SCRN1: variants seen among roughly 807,000 people sequenced by gnomAD.
SCRN1 encodes the protein secernin 1, also known as secernin-1.
SCRN1 carries 19 observed loss-of-function variants against 43.3 expected under a neutral mutation model. The ratio of observed to expected loss-of-function variants is 0.44; its 90% CI spans 0.31 to 0.64. The LOEUF (loss-of-function observed/expected upper bound fraction) is 0.64. Among genes scored for constraint, SCRN1 ranks in the 30% least tolerant of loss-of-function variants. The pLI is 0.09. For synonymous variants in SCRN1, 183 were observed against 188.9 expected, an observed-to-expected ratio of 0.97 and a Z score of 0.26; for missense variants, 447 against 524.1, an observed-to-expected ratio of 0.85 and a Z score of 1.44.
chr7:29,978,794 G>C (rs899081468), intron 1 of SCRN1, among the ~76,000 whole-genome samples: 1 of 152,204 alleles, frequency 6.6e-6, no homozygotes, highest in Non-Finnish European at 1.5e-5. Context: ...CATGGCAAAT[G>C]AACTAATTTT....
chr7:29,987,926 C>T (rs1175433751), intron 1 of SCRN1, among the ~76,000 whole-genome samples: 1 of 152,156 alleles, frequency 6.6e-6, no homozygotes, highest in Non-Finnish European at 1.5e-5. Context: ...CTCTGCCCCC[C>T]GACCTTAGCT....
intron 4 of SCRN1, 112 bp downstream of exon 4, chr7:29,943,865 G>C: frequency 1.0e-6 from 1 of 977,724 alleles, no homozygotes; most frequent in Non-Finnish European, 1.6e-6. Context: ...CCCACACAGA[G>C]AGGACCTGCA....
intron 6 of SCRN1, among the ~76,000 whole-genome samples, chr7:29,930,744 CCA>C (rs1787131084): frequency 6.6e-6 from 1 of 152,210 alleles, no homozygotes; most frequent in East Asian, 1.9e-4. Flanking sequence ...GGAATTTGCC[CCA>C]GTCACTCAGA....
intron 1 of SCRN1, among the ~76,000 whole-genome samples, chr7:29,979,179 A>G (rs1015714671): frequency 2.0e-5 from 3 of 152,164 alleles, no homozygotes; most frequent in Non-Finnish European, 4.4e-5. Context: ...CCTGACCAAC[A>G]TGGTGAAACC....
chr7:29,962,194 T>C (rs1583682329), intron 2 of SCRN1, among the ~76,000 whole-genome samples: 2 of 148,210 alleles, frequency 1.3e-5, no homozygotes, highest in Middle Eastern at 3.6e-3. Context: ...TATTTACATA[T>C]AATTAAATTA....
At chr7:29,942,781 A>G (rs1475268757) in intron 4 of SCRN1, among the ~76,000 whole-genome samples, 1 of 152,130 alleles carries the variant, frequency 6.6e-6, no homozygotes, top group Non-Finnish European at 1.5e-5. Flanking sequence ...CCCTTTTGAG[A>G]TAGAAAGAGG....
intron 1 of SCRN1, among the ~76,000 whole-genome samples, chr7:29,975,502 G>A (rs868073926): frequency 4.8e-4 from 73 of 152,294 alleles, no homozygotes; most frequent in African/African-American, 1.7e-3. Flanking sequence ...AATCAATTTA[G>A]TGGATAGGAA....
chr7:29,930,090 C>T lies in SCRN1; in HGVS notation c.906-3458G>A, dbSNP rs76206298. 7.8e-3 allele frequency among the ~76,000 whole-genome samples: 1,189 copies of T among 152,162 alleles called. 11 individuals are homozygous for T. Among genetic ancestry groups the T allele is most frequent in the Middle Eastern group, 0.014 (4 of 294 alleles). ...AAGCTCTCCAAATATTTTTTCAAAG[C>T]TTAGTATACTCAACTAATAAAAAAT... On this transcript the variant is annotated intron_variant, in intron 6 of 7. Coordinates refer to ENST00000242059, the MANE Select transcript of SCRN1 (RefSeq NM_014766.5).
intron 1 of SCRN1, among the ~76,000 whole-genome samples, chr7:29,982,607 T>C (rs1030677896): frequency 6.9e-6 from 1 of 145,416 alleles, no homozygotes. Flanking sequence ...TGCTTGAGCC[T>C]GGGCGGTCAA....
At chr7:29,928,896 C>A (rs573076729) in intron 6 of SCRN1, among the ~76,000 whole-genome samples, 3 of 152,330 alleles carry the variant, frequency 2.0e-5, no homozygotes, top group African/African-American at 7.2e-5. Flanking sequence ...AAATTGAATT[C>A]TTTAACTGGT....
intron 6 of SCRN1, among the ~76,000 whole-genome samples, chr7:29,932,067 A>G (rs1278796633): frequency 6.6e-6 from 1 of 152,240 alleles, no homozygotes; most frequent in Non-Finnish European, 1.5e-5. Context: ...TTAAAGGGAA[A>G]GAGAGCCAGT....
At chr7:29,939,631 G>A (rs1425146159) in intron 5 of SCRN1, among the ~76,000 whole-genome samples, 3 of 152,170 alleles carry the variant, frequency 2.0e-5, no homozygotes, top group African/African-American at 7.2e-5. Context: ...AAATGGGTGT[G>A]GCTACAGTCC....
chr7:29,928,113 A>G (rs983358275), intron 6 of SCRN1, among the ~76,000 whole-genome samples: 2 of 152,094 alleles, frequency 1.3e-5, no homozygotes, highest in Non-Finnish European at 2.9e-5. Context: ...ACTGAGCGAG[A>G]CTTTGTCTCA....
At chr7:29,928,344 A>G (rs544559205) in intron 6 of SCRN1, among the ~76,000 whole-genome samples, 10 of 152,252 alleles carry the variant, frequency 6.6e-5, no homozygotes, top group African/African-American at 2.2e-4. Context: ...GAGCACTACT[A>G]AAGACACAAC....
At chr7:29,975,893 T>A (rs538163383) in intron 1 of SCRN1, among the ~76,000 whole-genome samples, 2 of 152,208 alleles carry the variant, frequency 1.3e-5, no homozygotes, top group Non-Finnish European at 2.9e-5. Context: ...TATCTGTAGT[T>A]TGTACTATAC....
chr7:29,924,515 C>T (rs1786876304), intron 7 of SCRN1, among the ~76,000 whole-genome samples: 1 of 152,228 alleles, frequency 6.6e-6, no homozygotes, highest in Non-Finnish European at 1.5e-5. Flanking sequence ...TTTCTCAGCG[C>T]TTGGTCGACG....
rs960745008 is a variant in SCRN1 at position 29,920,622 on chromosome 7, C to T, written c.*3335G>A. ...TAAGGCTGAGAGCTCAACTGAAGACCTTCCCCAATAAATGACAGATGGCTC... is the reference window on the plus strand; with the variant it reads ...TAAGGCTGAGAGCTCAACTGAAGACTTTCCCCAATAAATGACAGATGGCTC... On this transcript the variant is annotated 3_prime_UTR_variant, in exon 8 of 8. Transcript: ENST00000242059. The T allele has an allele frequency of 1.3e-5, 2 of 152,208 alleles. No individual in the cohort carries two copies. Among genetic ancestry groups the T allele is most frequent in the African/African-American group, 4.8e-5 (2 of 41,440 alleles). The allele number at this position is 152,208 out of a possible 1,614,324, so 9.4% of individuals were successfully genotyped here.
At chr7:29,961,334 C>G (rs1788302944) in intron 2 of SCRN1, among the ~76,000 whole-genome samples, 2 of 131,438 alleles carry the variant, frequency 1.5e-5, no homozygotes, top group African/African-American at 5.8e-5. Flanking sequence ...GCCCTTAATC[C>G]ATTTAACCCT....
intron 4 of SCRN1, among the ~76,000 whole-genome samples, chr7:29,943,732 T>C (rs1353189631): frequency 2.0e-5 from 3 of 152,182 alleles, no homozygotes; most frequent in Non-Finnish European, 4.4e-5. Context: ...AAAAGCAGGT[T>C]CTTCCCAGAA....
Sources: allele counts gnomAD v4.1 joint callset (sites outside exome capture counted in the v4.1 genomes callset), GRCh38; gene constraint gnomAD v4.1.1; transcripts MANE v1.5; gene names NCBI Gene and HGNC (gene_info 2026-07-23, HGNC 2026-07-21).